PCDHA2: variants seen among roughly 807,000 people sequenced by gnomAD.
The protein encoded by PCDHA2 is protocadherin alpha 2, also known as protocadherin alpha-2.
Under a neutral mutation model 66.0 loss-of-function variants are expected in PCDHA2, and 58 were observed. The ratio of observed to expected loss-of-function variants is 0.88; its 90% confidence interval spans 0.71 to 1.09. The LOEUF (loss-of-function observed/expected upper bound fraction) is 1.09, where lower values mean the gene tolerates loss of function less well. Ranked by LOEUF, PCDHA2 falls within the 50% of genes least tolerant of loss-of-function variation. PCDHA2 has a pLI of 0.00. For missense variants in PCDHA2, 1,267 were observed against 1,242.3 expected, an observed-to-expected ratio of 1.02 and a Z score of -0.30; for synonymous variants, 634 against 554.0, an observed-to-expected ratio of 1.14 and a Z score of -2.03.
intron 1 of PCDHA2, chr5:140,869,019 A>G: frequency 1.3e-6 from 2 of 1,525,464 alleles, no homozygotes; most frequent in Non-Finnish European, 8.8e-7. Flanking sequence ...CTTCTTAAGA[A>G]TTCAACGAGA....
At chr5:140,955,146 T>C (rs184262984) in intron 1 of PCDHA2, among the ~76,000 whole-genome samples, 10 of 152,338 alleles carry the variant, frequency 6.6e-5, no homozygotes, top group African/African-American at 2.4e-4. Context: ...TCTGTTTTTG[T>C]ACCAGTACCG....
chr5:140,859,320 G>A (rs1374549537), intron 1 of PCDHA2: 1 of 128,738 alleles, frequency 7.8e-6, no homozygotes, highest in African/African-American at 2.7e-5. Context: ...TTAAAAGTTT[G>A]AGGAGAAAAT....
intron 1 of PCDHA2, chr5:140,928,844 C>T (rs782361945): frequency 1.2e-6 from 2 of 1,614,168 alleles, no homozygotes; most frequent in Non-Finnish European, 1.7e-6. Flanking sequence ...TCCTCTGTCA[C>T]TCTGGGTGTG....
At chr5:140,857,724 A>C in intron 1 of PCDHA2, 1 of 1,597,434 alleles carries the variant, frequency 6.3e-7, no homozygotes. Flanking sequence ...GACGAGAACG[A>C]CAACGCTCCC....
intron 1 of PCDHA2, chr5:140,966,746 C>T: frequency 1.4e-6 from 2 of 1,425,932 alleles, no homozygotes; most frequent in Non-Finnish European, 1.8e-6. Context: ...TGCCCGGCTG[C>T]CTCCGCCGCG....
chr5:140,889,824 C>A (rs1396428338), intron 1 of PCDHA2, among the ~76,000 whole-genome samples: 3 of 152,102 alleles, frequency 2.0e-5, no homozygotes, highest in African/African-American at 4.8e-5. Context: ...CATAAGAAGT[C>A]TTACAGTATG....
At chr5:140,925,740 G>T (rs1008956010) in intron 1 of PCDHA2, among the ~76,000 whole-genome samples, 19 of 151,764 alleles carry the variant, frequency 1.3e-4, no homozygotes, top group African/African-American at 4.6e-4. Flanking sequence ...AATATTTACA[G>T]AAAGAAAATT....
At chr5:140,969,145 C>T (rs782791096) in intron 1 of PCDHA2, 1 of 1,614,168 alleles carries the variant, frequency 6.2e-7, no homozygotes, top group South Asian at 1.1e-5. Context: ...CCTACTGCTA[C>T]AAGGCCTGTC....
At position 140,850,219 on chromosome 5, in the gene PCDHA2, G is replaced by A. The variant is rs201367294; in HGVS notation, c.2388+52867G>A. On this transcript the variant is annotated intron_variant, in intron 1 of 3. Coordinates refer to ENST00000526136, the MANE Select transcript of PCDHA2 (RefSeq NM_018905.3). ...ACACCTCGGATGAGGGGCACTGACG[G>A]CGCAGTGAGCGAGATGGTGCTGCGG... 1.1e-5 allele frequency: 17 copies of A among 1,593,552 alleles called. 1 individual carries two copies. The highest frequency in any genetic ancestry group is 1.3e-5 in the African/African-American group (1 of 74,312).
chr5:140,961,438 A>G (rs888082906), intron 1 of PCDHA2, among the ~76,000 whole-genome samples: 2 of 152,194 alleles, frequency 1.3e-5, no homozygotes, highest in South Asian at 4.1e-4. Context: ...AAAATCACCT[A>G]ACTACACTGT....
intron 1 of PCDHA2, chr5:140,869,664 G>T: frequency 6.2e-7 from 1 of 1,613,474 alleles, no homozygotes; most frequent in Non-Finnish European, 8.5e-7. Flanking sequence ...CAAATGGTAA[G>T]CAGATTAAAA....
At chr5:140,871,187 T>C in intron 1 of PCDHA2, 1 of 1,613,626 alleles carries the variant, frequency 6.2e-7, no homozygotes, top group Non-Finnish European at 8.5e-7. Flanking sequence ...CTGGTGGATG[T>C]CAACGTGTAC....
chr5:140,926,495 T>G (rs1033428952), intron 1 of PCDHA2: 3 of 181,806 alleles, frequency 1.7e-5, no homozygotes, highest in Non-Finnish European at 3.4e-5. Flanking sequence ...TGTTAGTGTC[T>G]CGGGGCGTCT....
At chr5:140,883,522 A>G in intron 1 of PCDHA2, 1 of 1,614,220 alleles carries the variant, frequency 6.2e-7, no homozygotes, top group Middle Eastern at 1.7e-4. Flanking sequence ...GCGAGAGCGT[A>G]TCAGCCTATG....
rs782510264 is a variant in PCDHA2, at chr5:140,863,385, G to A, written c.2388+66033G>A. 4 of 1,030,862 alleles carry A rather than the reference G, an allele frequency of 3.9e-6. No homozygotes were observed. In the South Asian group the frequency reaches 4.9e-5, roughly 13 times the overall value. The allele number at this position is 1,030,862 out of a possible 1,614,324, so 63.9% of individuals were successfully genotyped here. ...GCTTGGCGCAGCTCACCGAGAGCTC[G>A]TGCATGCCGGGCAAGCCCACGCTGG... On this transcript the variant is annotated intron_variant, in intron 1 of 3. Transcript: ENST00000526136.
intron 3 of PCDHA2, among the ~76,000 whole-genome samples, chr5:140,985,103 A>G (rs1342526252): frequency 6.6e-6 from 1 of 151,694 alleles, no homozygotes; most frequent in African/African-American, 2.4e-5. Context: ...AAGCCTGGCT[A>G]ATTTTTTGTG....
At chr5:140,883,519 C>T (rs1554178517) in intron 1 of PCDHA2, 12 of 1,614,190 alleles carry the variant, frequency 7.4e-6, no homozygotes, top group Non-Finnish European at 1.0e-5. Flanking sequence ...ACCGCGAGAG[C>T]GTATCAGCCT....
chr5:140,835,312 T>C (rs1231514628), intron 1 of PCDHA2: 1 of 1,613,246 alleles, frequency 6.2e-7, no homozygotes, highest in Non-Finnish European at 8.5e-7. Context: ...CATATGGATT[T>C]TGAAGAAAGT....
chr5:140,966,057 G>A (rs2153745793), intron 1 of PCDHA2, among the ~76,000 whole-genome samples: 1 of 152,318 alleles, frequency 6.6e-6, no homozygotes, highest in East Asian at 1.9e-4. Flanking sequence ...TAACCCCAGA[G>A]CGCCTCCCCC....
Sources: allele counts gnomAD v4.1 joint callset (sites outside exome capture counted in the v4.1 genomes callset), GRCh38; gene constraint gnomAD v4.1.1; transcripts MANE v1.5; gene names NCBI Gene and HGNC (gene_info 2026-07-23, HGNC 2026-07-21).